The following ARHGAP8 variants were observed in gnomAD, a reference collection of about 807,000 sequenced individuals.
ARHGAP8 encodes Rho GTPase activating protein 8.
Under a neutral mutation model 46.1 loss-of-function variants are expected in ARHGAP8, and 62 were observed. That is an observed-to-expected ratio of 1.34 (90% CI 1.10 to 1.66). ARHGAP8 has a LOEUF of 1.66. Ranked by LOEUF, ARHGAP8 falls within the 40% of genes most tolerant of loss-of-function variation. ARHGAP8 has a pLI of 0.00. For missense variants in ARHGAP8, 923 were observed against 568.4 expected (o/e 1.62, Z -6.34); for synonymous variants, 375 against 243.1 (o/e 1.54, Z -5.05).
intron 5 of ARHGAP8, among the ~76,000 whole-genome samples, chr22:44,818,066 A>G (rs1046726268): frequency 6.6e-6 from 1 of 152,310 alleles, no homozygotes; most frequent in South Asian, 2.1e-4. Flanking sequence ...GTGAGCTGAG[A>G]TAGCACCACT....
Position 44,848,932 on chromosome 22 carries a change from G to A in ARHGAP8, c.749G>A (p.Gly250Glu). 6.2e-7 allele frequency: 1 copy of A among 1,614,094 alleles called. No homozygotes were observed. Among genetic ancestry groups the A allele is most frequent in the Non-Finnish European group, 8.5e-7 (1 of 1,180,004 alleles). Residue 250 changes from glycine to glutamate, a missense_variant and splice_region_variant, in exon 10 of 12, where the codon GGG (glycine) becomes GAG (glutamate). Gly to Glu is a moderately conservative substitution (Grantham distance 98). Transcript: ENST00000356099. ...VREIQRLYNQ[G>E]KPVNFDDYGD... is the part of the protein sequence containing the mutation. ...CAGCAGTGCTGTGTTGTGTGTGCAG[G>A]GAAGCCCGTGAACTTTGACGACTAC...
In ARHGAP8 at chr22:44,862,490, C is replaced by G; in HGVS notation, c.1197C>G (p.Ser399Arg). 6.2e-7 allele frequency: 1 copy of G among 1,613,676 alleles called. No individual in the cohort carries two copies. Among genetic ancestry groups the G allele is most frequent in the Non-Finnish European group, 8.5e-7 (1 of 1,179,766 alleles). Residue 399 changes from serine to arginine, a missense_variant, in exon 12 of 12, where the codon AGC becomes AGG. Transcript: ENST00000356099. ...EHGLAPWEQGSRAAPLQEAVP... is the reference protein window; with the variant it reads ...EHGLAPWEQGRRAAPLQEAVP... ...GCCTGGCACCATGGGAACAGGGGAG[C>G]AGGGCAGCCCCTTTGCAGGAGGCTG...
chr22:44,837,075 G>A (rs1459143916), intron 7 of ARHGAP8, among the ~76,000 whole-genome samples: 2 of 152,272 alleles, frequency 1.3e-5, no homozygotes, highest in Non-Finnish European at 1.5e-5. Context: ...GGTAGAAACG[G>A]GGTTTCACCA....
At chr22:44,778,908 T>C (rs1298093664) in intron 1 of ARHGAP8, among the ~76,000 whole-genome samples, 1 of 151,412 alleles carries the variant, frequency 6.6e-6, no homozygotes, top group Non-Finnish European at 1.5e-5. Context: ...ATCAGAACTC[T>C]CACACAGATA....
chr22:44,776,773 T>A (rs1926455627), intron 1 of ARHGAP8, among the ~76,000 whole-genome samples: 1 of 152,122 alleles, frequency 6.6e-6, no homozygotes, highest in Non-Finnish European at 1.5e-5. Context: ...TTAATGGCGC[T>A]GCGCACTGTA....
intron 1 of ARHGAP8, among the ~76,000 whole-genome samples, chr22:44,755,246 C>A (rs1353068088): frequency 1.3e-5 from 2 of 152,234 alleles, no homozygotes. Flanking sequence ...CGTGTCCCCA[C>A]CTTCCTCCCA....
intron 5 of ARHGAP8, among the ~76,000 whole-genome samples, chr22:44,821,254 A>AC (rs1331994345): frequency 6.6e-6 from 1 of 151,870 alleles, no homozygotes; most frequent in South Asian, 2.1e-4. Flanking sequence ...ACATGTTGAA[A>AC]CCCCGTCTCT....
At chr22:44,798,598 C>T (rs1357294046) in intron 2 of ARHGAP8, among the ~76,000 whole-genome samples, 2 of 150,098 alleles carry the variant, frequency 1.3e-5, no homozygotes, top group East Asian at 2.0e-4. Flanking sequence ...GTGGACTGAG[C>T]GGCCCCACAG....
rs1930943433 is a variant in ARHGAP8 at position 44,831,521 on chromosome 22, C to T, written c.596+5928C>T. On this transcript the variant is annotated intron_variant, in intron 7 of 11. Transcript: ENST00000356099. ...GACCAGCCTTACCAACATGGTGAAA[C>T]ACCCATCTCTACTAATAATACAAAA... Among the ~76,000 whole-genome samples the T allele has an allele frequency of 2.1e-5, 3 of 141,456 alleles. No homozygotes were observed. The South Asian group carries it at 7.2e-4, about 34-fold the overall frequency. 92.8% of individuals were successfully genotyped at this position (141,456 alleles called of 152,430 possible). A position where few individuals can be genotyped will look rare whatever the true frequency, so the allele number is the denominator to read the frequency against.
At chr22:44,772,721 T>C (rs545317127) in intron 1 of ARHGAP8, among the ~76,000 whole-genome samples, 1 of 152,242 alleles carries the variant, frequency 6.6e-6, no homozygotes, top group African/African-American at 2.4e-5. Flanking sequence ...TATCTTCTAT[T>C]TTCTGGCAGA....
chr22:44,862,263 G>C lies in ARHGAP8; in HGVS notation c.982-12G>C, dbSNP rs1347800697. ...TGTTCACTCCCCTTTACTTGTGTGTGGTTTCCTCCAGGTGTCCCGGGAGAG... is the reference window on the plus strand; with the variant it reads ...TGTTCACTCCCCTTTACTTGTGTGTCGTTTCCTCCAGGTGTCCCGGGAGAG... On this transcript the variant is annotated splice_polypyrimidine_tract_variant and intron_variant, in intron 11 of 11. Coordinates refer to ENST00000356099, the MANE Select transcript of ARHGAP8 (RefSeq NM_181335.3). The C allele has an allele frequency of 3.8e-6, 6 of 1,578,530 alleles. No homozygotes were observed. Among genetic ancestry groups the C allele is most frequent in the Middle Eastern group, 1.7e-4 (1 of 5,906 alleles).
chr22:44,853,186 A>C lies in ARHGAP8; in HGVS notation c.877+4126A>C, dbSNP rs1018326748. ...TGAAGTATCCTTTCATGGTAGAGAG[A>C]GAGTGGCAGCAGCTGGCCAGTGAAT... On this transcript the variant is annotated intron_variant, in intron 10 of 11. Transcript: ENST00000356099. 2.6e-5 allele frequency among the ~76,000 whole-genome samples: 4 copies of C among 152,256 alleles called. No homozygotes were observed. The South Asian group carries it at 8.3e-4, about 32-fold the overall frequency.
intron 11 of ARHGAP8, among the ~76,000 whole-genome samples, chr22:44,861,683 G>GC (rs1165144947): frequency 6.6e-6 from 1 of 152,116 alleles, no homozygotes; most frequent in African/African-American, 2.4e-5. Flanking sequence ...GGTCCACATG[G>GC]CCCCCTGCCA....
chr22:44,858,436 C>T (rs145007122), intron 10 of ARHGAP8, among the ~76,000 whole-genome samples: 3,878 of 147,118 alleles, frequency 0.026, 165 homozygotes, highest in Admixed American at 0.11. Context: ...GGCACCATCT[C>T]GGCTCAGTGC....
chr22:44,789,851 C>G (rs1389911407), intron 2 of ARHGAP8, among the ~76,000 whole-genome samples: 1 of 152,120 alleles, frequency 6.6e-6, no homozygotes, highest in Non-Finnish European at 1.5e-5. Context: ...TCCGATTTTT[C>G]TGATACTAAT....
chr22:44,858,013 C>T (rs2070283650), intron 10 of ARHGAP8, among the ~76,000 whole-genome samples: 1 of 152,200 alleles, frequency 6.6e-6, no homozygotes, highest in Non-Finnish European at 1.5e-5. Context: ...TCAGGCACAA[C>T]ACCCAGAGAA....
Position 44,862,499 on chromosome 22 carries a change from C to G in ARHGAP8, c.1206C>G (p.Ala402=), listed in dbSNP as rs1359653582. The G allele has an allele frequency of 6.2e-7, 1 of 1,613,630 alleles. No homozygotes were observed. Among genetic ancestry groups the G allele is most frequent in the Non-Finnish European group, 8.5e-7 (1 of 1,179,656 alleles). Residue 402 remains alanine, a synonymous_variant, in exon 12 of 12, where the codon GCC becomes GCG. Coordinates refer to ENST00000356099, the MANE Select transcript of ARHGAP8 (RefSeq NM_181335.3). ...CATGGGAACAGGGGAGCAGGGCAGCCCCTTTGCAGGAGGCTGTGCCACGGA... is the reference window on the plus strand; with the variant it reads ...CATGGGAACAGGGGAGCAGGGCAGCGCCTTTGCAGGAGGCTGTGCCACGGA... The part of the protein sequence containing the change: ...LAPWEQGSRA[A]PLQEAVPRTQ...
At chr22:44,847,772 C>G (rs905790562) in intron 8 of ARHGAP8, among the ~76,000 whole-genome samples, 1 of 152,228 alleles carries the variant, frequency 6.6e-6, no homozygotes, top group African/African-American at 2.4e-5. Flanking sequence ...AGATTAGAGT[C>G]TATTTCCGCT....
intron 10 of ARHGAP8, among the ~76,000 whole-genome samples, chr22:44,856,708 A>C (rs1407805966): frequency 1.4e-5 from 2 of 144,486 alleles, no homozygotes; most frequent in Admixed American, 1.3e-4. Flanking sequence ...TCTCCTCTTC[A>C]CAACAAAGGA....
Sources: gnomAD v4.1 joint callset for allele counts (sites outside exome capture counted in the v4.1 genomes callset) on GRCh38, gnomAD v4.1.1 for gene constraint, MANE v1.5 for transcripts, NCBI Gene and HGNC (gene_info 2026-07-23, HGNC 2026-07-21) for gene names.